Variants in GALNT10 observed in about 807,000 individuals in gnomAD.
The protein encoded by GALNT10 is polypeptide N-acetylgalactosaminyltransferase 10.
In GALNT10, 41 loss-of-function variants were observed where a neutral mutation model predicts 75.0. The observed-to-expected ratio is 0.55, with a 90% confidence interval of 0.43 to 0.71. The LOEUF is 0.71. GALNT10 is among the 30% of genes least tolerant of loss of function. The pLI is 0.00. For missense variants in GALNT10, 727 were observed against 818.5 expected, an observed-to-expected ratio of 0.89 and a Z score of 1.36; for synonymous variants, 302 against 313.0, an observed-to-expected ratio of 0.96 and a Z score of 0.37.
At chr5:154,341,791 G>T (rs139130823) in intron 4 of GALNT10, among the ~76,000 whole-genome samples, 158 of 152,266 alleles carry the variant, frequency 1.0e-3, no homozygotes, top group African/African-American at 3.6e-3. Flanking sequence ...AATATTCTTT[G>T]TAGTAGACAC....
intron 3 of GALNT10, among the ~76,000 whole-genome samples, chr5:154,314,017 A>G (rs1040246639): frequency 2.0e-5 from 3 of 152,146 alleles, no homozygotes; most frequent in Admixed American, 6.5e-5. Context: ...TTTTTGCAGA[A>G]TAGAGAGGAG....
intron 1 of GALNT10, among the ~76,000 whole-genome samples, chr5:154,257,548 A>G (rs779148568): frequency 6.6e-6 from 1 of 152,144 alleles, no homozygotes; most frequent in Non-Finnish European, 1.5e-5. Context: ...ACGTGCCTAT[A>G]ATCCCAGCTA....
intron 4 of GALNT10, among the ~76,000 whole-genome samples, chr5:154,368,768 C>T (rs879409413): frequency 7.2e-5 from 11 of 152,182 alleles, no homozygotes; most frequent in Admixed American, 1.3e-4. Flanking sequence ...CATAGCTTTC[C>T]TTCTCAACTT....
chr5:154,381,694 T>C (rs371042621), intron 6 of GALNT10, among the ~76,000 whole-genome samples: 2 of 152,202 alleles, frequency 1.3e-5, no homozygotes, highest in African/African-American at 4.8e-5. Flanking sequence ...TCCCTACCTT[T>C]CCTGGCTTCT....
chr5:154,410,837 TC>T (rs1756384551), intron 9 of GALNT10, among the ~76,000 whole-genome samples: 1 of 152,216 alleles, frequency 6.6e-6, no homozygotes, highest in Non-Finnish European at 1.5e-5. Context: ...ATGCACACGC[TC>T]CAGTGTCCCA....
chr5:154,263,120 A>G (rs1021218351), intron 1 of GALNT10, among the ~76,000 whole-genome samples: 4 of 152,204 alleles, frequency 2.6e-5, no homozygotes, highest in African/African-American at 9.6e-5. Flanking sequence ...CACAGTGACC[A>G]TATGACCCAG....
rs1180985318 is a variant in GALNT10, at chr5:154,420,783, C to G, written c.*3811C>G. The G allele has an allele frequency of 1.3e-5, 2 of 152,168 alleles. No individual in the cohort carries two copies. The highest frequency in any genetic ancestry group is 4.8e-5 in the African/African-American group (2 of 41,440). 9.4% of individuals were successfully genotyped at this position (152,168 alleles called of 1,614,324 possible). On this transcript the variant is annotated 3_prime_UTR_variant, in exon 12 of 12. Transcript: ENST00000297107. ...AACAGAACAGGGTCAGACTCCTGCT[C>G]TGTTATTGGCTTGAAGACTAGGATC...
At chr5:154,197,235 C>T (rs1207089196) in intron 1 of GALNT10, among the ~76,000 whole-genome samples, 1 of 152,204 alleles carries the variant, frequency 6.6e-6, no homozygotes, top group Non-Finnish European at 1.5e-5. Context: ...CCGCTGCCTT[C>T]CTTTCCCCTC....
Position 154,326,163 on chromosome 5 carries a change from C to T in GALNT10, c.402-3409C>T, listed in dbSNP as rs115665210. Among the ~76,000 whole-genome samples, 593 of 151,842 alleles carry T rather than the reference C, an allele frequency of 3.9e-3. 2 individuals carry two copies. Among genetic ancestry groups the T allele is most frequent in the African/African-American group, 0.014 (576 of 41,430 alleles). On this transcript the variant is annotated intron_variant, in intron 3 of 11. Transcript: ENST00000297107. The stretch of plus-strand genomic sequence containing the variant: ...TGGCCAATAGGCATATGGAAAGATA[C>T]TCAACATCATTAGTCATTAAACCAT...
intron 3 of GALNT10, among the ~76,000 whole-genome samples, chr5:154,323,874 C>T (rs1454553116): frequency 6.6e-6 from 1 of 152,220 alleles, no homozygotes; most frequent in African/African-American, 2.4e-5. Context: ...GGCTGTGTTA[C>T]ACTGTGGAGT....
chr5:154,207,009 G>A lies in GALNT10; in HGVS notation c.159+15984G>A, dbSNP rs149217084. 1.5e-3 allele frequency among the ~76,000 whole-genome samples: 223 copies of A among 152,368 alleles called. 1 individual carries two copies. Among genetic ancestry groups the A allele is most frequent in the African/African-American group, 4.9e-3 (204 of 41,586 alleles). On this transcript the variant is annotated intron_variant, in intron 1 of 11. Coordinates refer to ENST00000297107, the MANE Select transcript of GALNT10 (RefSeq NM_198321.4). ...TGCTAGGTTCTGAGGCCACCAAGAT[G>A]TGTAACGTGCAGCCTTTGAGCTTAA...
At position 154,229,732 on chromosome 5, in the gene GALNT10, C is replaced by CA. The variant is rs879674193; in HGVS notation, c.159+38719dup. 5.6e-3 allele frequency among the ~76,000 whole-genome samples: 787 copies of CA among 139,434 alleles called. 5 individuals carry two copies. Among genetic ancestry groups the CA allele is most frequent in the African/African-American group, 0.018 (674 of 38,178 alleles). The allele number at this position is 139,434 out of a possible 152,430, so 91.5% of individuals were successfully genotyped here. On this transcript the variant is annotated intron_variant, in intron 1 of 11. Coordinates refer to ENST00000297107, the MANE Select transcript of GALNT10 (RefSeq NM_198321.4). ...TGGGCGACAGAGTGAGACTCCATCTCAAAAAAAAAAAAGAATCTAAGTTCC... is the reference window on the plus strand; with the variant it reads ...TGGGCGACAGAGTGAGACTCCATCTCAAAAAAAAAAAAAGAATCTAAGTTCC...
chr5:154,196,474 G>A (rs76255518), intron 1 of GALNT10, among the ~76,000 whole-genome samples: 1 of 152,278 alleles, frequency 6.6e-6, no homozygotes, highest in Non-Finnish European at 1.5e-5. Flanking sequence ...TTCAGGTATG[G>A]TGTGATCTAG....
intron 4 of GALNT10, among the ~76,000 whole-genome samples, chr5:154,356,571 T>C (rs1031492593): frequency 1.4e-4 from 21 of 152,202 alleles, no homozygotes; most frequent in Admixed American, 6.5e-5. Flanking sequence ...TTTTCCTTTT[T>C]TCAATAGTAA....
chr5:154,257,672 A>T (rs202172782), intron 1 of GALNT10, among the ~76,000 whole-genome samples: 2 of 318 alleles, frequency 6.3e-3, no homozygotes, highest in East Asian at 0.5. Flanking sequence ...ACTCCGTTTT[A>T]AAAAAAAAAA....
Position 154,412,627 on chromosome 5 carries a change from A to C in GALNT10, c.1387-262A>C. ...AGTCCTTTACCAACTCCTCACCTCC[A>C]CTCCCCCACCACCAACCCAGGACTC... On this transcript the variant is annotated intron_variant, in intron 9 of 11. Transcript: ENST00000297107. This position sits in a 1 kb window ranked among gnomAD's most constrained non-coding sequence, Gnocchi z 4.2. The C allele has an allele frequency of 2.8e-6, 1 of 361,758 alleles. No homozygotes were observed. 22.4% of individuals were successfully genotyped at this position (361,758 alleles called of 1,614,324 possible).
At chr5:154,367,531 G>A (rs984981137) in intron 4 of GALNT10, among the ~76,000 whole-genome samples, 2 of 152,142 alleles carry the variant, frequency 1.3e-5, no homozygotes, top group African/African-American at 4.8e-5. Flanking sequence ...TGCTGGGGTA[G>A]GGGGCAGAAT....
intron 1 of GALNT10, among the ~76,000 whole-genome samples, chr5:154,204,543 G>A (rs1775075818): frequency 6.6e-6 from 1 of 152,194 alleles, no homozygotes; most frequent in Non-Finnish European, 1.5e-5. Context: ...CTTACCCTCT[G>A]GCTCACTGTG....
At chr5:154,268,730 C>T (rs1753813877) in intron 1 of GALNT10, among the ~76,000 whole-genome samples, 2 of 152,208 alleles carry the variant, frequency 1.3e-5, no homozygotes, top group Non-Finnish European at 2.9e-5. Context: ...ATTTATTTCT[C>T]ATTTAATAAA....
Sources: allele counts gnomAD v4.1 joint callset (sites outside exome capture counted in the v4.1 genomes callset), GRCh38; gene constraint gnomAD v4.1.1; non-coding constraint Gnocchi (gnomAD v3.1); transcripts MANE v1.5; gene names NCBI Gene and HGNC (gene_info 2026-07-23, HGNC 2026-07-21).